ABCA13: variants seen among roughly 807,000 people sequenced by gnomAD.
The protein encoded by ABCA13 is ATP binding cassette subfamily A member 13.
In ABCA13, 476 loss-of-function variants were observed where a neutral mutation model predicts 478.7. The observed-to-expected ratio is 0.99, with a 90% confidence interval of 0.92 to 1.07. The LOEUF (loss-of-function observed/expected upper bound fraction) is 1.07. ABCA13 is among the 50% of genes least tolerant of loss of function. The pLI is 0.00. For synonymous variants in ABCA13, 2,252 were observed against 2,158.9 expected (o/e 1.04, Z -1.20); for missense variants, 6,060 against 5,910.6 (o/e 1.03, Z -0.83).
intron 41 of ABCA13, among the ~76,000 whole-genome samples, chr7:48,416,914 G>A (rs7778020): frequency 0.11 from 17,407 of 151,608 alleles, 1,126 homozygotes; most frequent in East Asian, 0.17. Context: ...ACCAGTCTTG[G>A]AATCTCACTG....
At chr7:48,339,827 T>A (rs893348105) in intron 29 of ABCA13, among the ~76,000 whole-genome samples, 2 of 152,110 alleles carry the variant, frequency 1.3e-5, no homozygotes, top group Non-Finnish European at 2.9e-5. Context: ...TACAGCCCTC[T>A]GGGAGCAGGC....
At chr7:48,234,613 C>T (rs1395629543) in intron 8 of ABCA13, among the ~76,000 whole-genome samples, 3 of 152,194 alleles carry the variant, frequency 2.0e-5, no homozygotes, top group Admixed American at 2.0e-4. Flanking sequence ...AGTTGAGCCT[C>T]TTCCCTAACT....
chr7:48,305,874 A>G (rs760153201), intron 23 of ABCA13, among the ~76,000 whole-genome samples: 8 of 152,144 alleles, frequency 5.3e-5, no homozygotes, highest in African/African-American at 9.7e-5. Context: ...CAAACCAAAC[A>G]CTGACACACA....
chr7:48,191,402 A>G (rs1797088083), intron 1 of ABCA13, among the ~76,000 whole-genome samples: 1 of 152,148 alleles, frequency 6.6e-6, no homozygotes, highest in Admixed American at 6.5e-5. Flanking sequence ...ACGGTGATTT[A>G]TTTTTAATTT....
chr7:48,297,259 G>A lies in ABCA13; in HGVS notation c.9147G>A (p.Trp3049Ter). 6.2e-7 allele frequency: 1 copy of A among 1,608,366 alleles called. No homozygotes were observed. Among genetic ancestry groups the A allele is most frequent in the Non-Finnish European group, 8.5e-7 (1 of 1,177,300 alleles). The change falls in exon 22 of 62, where the codon TGG becomes TGA. Residue 3049 changes from tryptophan (W) to a stop codon, truncating the protein, a stop_gained. Coordinates refer to ENST00000435803, the MANE Select transcript of ABCA13 (RefSeq NM_152701.5). LOFTEE classifies it high-confidence loss of function. ...YMLAKSLEET[W>*]SSGNPIMTFL... ...TGGCCAAAAGCCTCGAGGAAACTTG[G>A]TCATCAGGGAATCCCATCATGACTT...
chr7:48,202,276 G>A lies in ABCA13; in HGVS notation c.287+3916G>A, dbSNP rs1234660607. ...GCCGAATGGTCTGTTTTGACAGGGC[G>A]CTGATTGGTGCGTTTATAATCCCTG... is the stretch of plus-strand genomic sequence containing the variant. On this transcript the variant is annotated intron_variant, in intron 3 of 61. Coordinates refer to ENST00000435803, the MANE Select transcript of ABCA13 (RefSeq NM_152701.5). Among the ~76,000 whole-genome samples the A allele has an allele frequency of 5.3e-5, 8 of 152,298 alleles. 1 individual carries two copies. The South Asian group carries it at 1.0e-3, about 20-fold the overall frequency.
intron 57 of ABCA13, 22 bp from the exon 58 acceptor site, chr7:48,594,688 C>T (rs772047627): frequency 3.1e-6 from 5 of 1,601,624 alleles, no homozygotes; most frequent in Non-Finnish European, 4.3e-6. Context: ...ATGCTGATTA[C>T]TCTGTGTTGC....
At chr7:48,362,974 C>A (rs1186644661) in intron 31 of ABCA13, among the ~76,000 whole-genome samples, 1 of 152,104 alleles carries the variant, frequency 6.6e-6, no homozygotes, top group African/African-American at 2.4e-5. Context: ...TTTTTCATAT[C>A]ATTTCTGCAT....
Position 48,222,062 on chromosome 7 carries a change from T to C in ABCA13, c.468+753T>C, listed in dbSNP as rs116590415. Among the ~76,000 whole-genome samples, 620 of 152,262 alleles carry C rather than the reference T, an allele frequency of 4.1e-3. 8 individuals are homozygous for C. The highest frequency in any genetic ancestry group is 0.014 in the African/African-American group (591 of 41,544). Reference sequence around the variant, plus strand: ...AGATTTAGACAGCTCAAAAAAAATATGCCATAAAACCATTAGGAGAAAAGT... The same window carrying C: ...AGATTTAGACAGCTCAAAAAAAATACGCCATAAAACCATTAGGAGAAAAGT... On this transcript the variant is annotated intron_variant, in intron 5 of 61. Coordinates refer to ENST00000435803, the MANE Select transcript of ABCA13 (RefSeq NM_152701.5).
At position 48,599,820 on chromosome 7, in the gene ABCA13, G is replaced by A. The variant is rs569205062; in HGVS notation, c.14744+5007G>A. Among the ~76,000 whole-genome samples the A allele has an allele frequency of 3.3e-5, 5 of 152,292 alleles. 1 individual carries two copies. Among genetic ancestry groups the A allele is most frequent in the Admixed American group, 3.3e-4 (5 of 15,298 alleles). ...GCAGGCTGGATTTAGCCAATGGGCT[G>A]CAGTTTTTTACTCCAGGCTTAACAT... On this transcript the variant is annotated intron_variant, in intron 58 of 61. Coordinates refer to ENST00000435803, the MANE Select transcript of ABCA13 (RefSeq NM_152701.5).
At chr7:48,361,255 A>G (rs139304557) in intron 31 of ABCA13, among the ~76,000 whole-genome samples, 2 of 152,026 alleles carry the variant, frequency 1.3e-5, no homozygotes, top group African/African-American at 4.8e-5. Flanking sequence ...TAATGCTTCA[A>G]CTTTAAATAT....
chr7:48,498,737 A>G (rs191145661), intron 48 of ABCA13, among the ~76,000 whole-genome samples: 48 of 152,336 alleles, frequency 3.2e-4, no homozygotes, highest in African/African-American at 1.2e-3. Flanking sequence ...GCTCAAAAAT[A>G]TACTGTAGAC....
intron 23 of ABCA13, among the ~76,000 whole-genome samples, chr7:48,304,916 T>C (rs1458140715): frequency 6.6e-6 from 1 of 152,240 alleles, no homozygotes; most frequent in Admixed American, 6.5e-5. Context: ...AGTGTGAAGA[T>C]GTTTCTCTTT....
chr7:48,605,911 CT>C (rs1417269897), intron 58 of ABCA13, among the ~76,000 whole-genome samples: 1 of 152,150 alleles, frequency 6.6e-6, no homozygotes, highest in African/African-American at 2.4e-5. Flanking sequence ...TTCTTCATTT[CT>C]TTTCACTCTT....
chr7:48,413,580 A>G (rs1435154277), intron 41 of ABCA13, among the ~76,000 whole-genome samples: 1 of 152,232 alleles, frequency 6.6e-6, no homozygotes, highest in Non-Finnish European at 1.5e-5. Flanking sequence ...TTTTCAAAAA[A>G]TCAAGTGCTG....
rs1341262374 is a variant in ABCA13, at chr7:48,520,244, ACTT to A, written c.14004_14006del (p.Leu4671del). 2 of 1,613,440 alleles carry A rather than the reference ACTT, an allele frequency of 1.2e-6. No individual in the cohort carries two copies. The highest frequency in any genetic ancestry group is 2.7e-5 in the African/African-American group (2 of 74,906). Reference sequence around the variant, plus strand: ...TGCAACTGGCCTCGCAGGGCACAGTACTTCTCCTCTTGAGGGTTCTGCTACACT... The same window carrying A: ...TGCAACTGGCCTCGCAGGGCACAGTACTCCTCTTGAGGGTTCTGCTACACT... On this transcript the variant is annotated inframe_deletion, in exon 53 of 62. Transcript: ENST00000435803.
chr7:48,397,250 A>T (rs1221446512), intron 38 of ABCA13, among the ~76,000 whole-genome samples: 2 of 152,086 alleles, frequency 1.3e-5, no homozygotes, highest in Non-Finnish European at 2.9e-5. Flanking sequence ...TTCCAGAGAA[A>T]ATGGGGAAGG....
intron 32 of ABCA13, among the ~76,000 whole-genome samples, chr7:48,369,189 A>T (rs1471121821): frequency 2.0e-5 from 3 of 151,996 alleles, no homozygotes; most frequent in Non-Finnish European, 2.9e-5. Flanking sequence ...TTTGTTGACC[A>T]TTTGTCTATC....
At chr7:48,388,962 A>G (rs1324855242) in intron 36 of ABCA13, 78 bp from the exon 37 acceptor site, 2 of 1,497,300 alleles carry the variant, frequency 1.3e-6, no homozygotes, top group Non-Finnish European at 1.8e-6. Context: ...TCAAAGCAGA[A>G]TGCTGAATTA....
Sources: allele counts gnomAD v4.1 joint callset (sites outside exome capture counted in the v4.1 genomes callset), GRCh38; gene constraint gnomAD v4.1.1; transcripts MANE v1.5; gene names NCBI Gene and HGNC (gene_info 2026-07-23, HGNC 2026-07-21).